Variants in PPP2R5C observed in about 807,000 individuals in gnomAD.
PPP2R5C encodes serine/threonine-protein phosphatase 2A 56 kDa regulatory subunit gamma isoform.
Under a neutral mutation model 68.9 loss-of-function variants are expected in PPP2R5C, and 7 were observed. The ratio of observed to expected loss-of-function variants is 0.10; its 90% CI spans 0.06 to 0.19. The LOEUF is 0.19. Ranked by LOEUF, PPP2R5C falls within the 10% of genes least tolerant of loss-of-function variation. The pLI, the probability that PPP2R5C is intolerant of heterozygous loss-of-function variation, is 1.00. For synonymous variants in PPP2R5C, 210 were observed against 222.2 expected, an observed-to-expected ratio of 0.95 and a Z score of 0.49; for missense variants, 348 against 641.3, an observed-to-expected ratio of 0.54 and a Z score of 4.94.
At chr14:101,897,058 G>A (rs2045379010) in intron 8 of PPP2R5C, among the ~76,000 whole-genome samples, 1 of 152,022 alleles carries the variant, frequency 6.6e-6, no homozygotes, top group African/African-American at 2.4e-5. Context: ...CCACGAGCTG[G>A]GCCCGCCCTG....
intron 3 of PPP2R5C, among the ~76,000 whole-genome samples, chr14:101,802,186 G>A (rs769023553): frequency 3.3e-5 from 5 of 152,152 alleles, no homozygotes; most frequent in Non-Finnish European, 7.3e-5. Flanking sequence ...AGGCTGAGAC[G>A]GGCGGATCAC....
At chr14:101,847,729 C>A (rs903875086) in intron 1 of PPP2R5C, among the ~76,000 whole-genome samples, 3 of 142,804 alleles carry the variant, frequency 2.1e-5, no homozygotes, top group Admixed American at 7.4e-5. Context: ...GTGGCGTGAT[C>A]TCAGCTCACT....
chr14:101,778,321 C>T (rs2037519541), intron 2 of PPP2R5C, among the ~76,000 whole-genome samples: 1 of 152,132 alleles, frequency 6.6e-6, no homozygotes. Context: ...ATACTAGACC[C>T]TTATATAATT....
At chr14:101,784,785 T>C (rs1004717676) in intron 2 of PPP2R5C, among the ~76,000 whole-genome samples, 1 of 152,206 alleles carries the variant, frequency 6.6e-6, no homozygotes, top group Admixed American at 6.5e-5. Context: ...GAGCACATTA[T>C]GTAAATCATC....
At position 101,888,426 on chromosome 14, in the gene PPP2R5C, C is replaced by T. The variant is rs1274484624; in HGVS notation, c.630-1811C>T. 6.6e-6 allele frequency among the ~76,000 whole-genome samples: 1 copy of T among 151,980 alleles called. No homozygotes were observed. Among genetic ancestry groups the T allele is most frequent in the Non-Finnish European group, 1.5e-5 (1 of 67,992 alleles). ...CTGTTTCTTGTCATGGCACCAGTGT[C>T]GTTCCTGTCACCCACGGCACTGAGC... On this transcript the variant is annotated intron_variant, in intron 5 of 13. Transcript: ENST00000334743. This position sits in a 1 kb window ranked among gnomAD's most constrained non-coding sequence, Gnocchi z 5.6.
At position 101,882,946 on chromosome 14, in the gene PPP2R5C, G is replaced by A; in HGVS notation, c.406-311G>A. On this transcript the variant is annotated intron_variant, in intron 3 of 13. Coordinates refer to ENST00000334743, the Ensembl canonical transcript of PPP2R5C. This position sits in a 1 kb window ranked among gnomAD's most constrained non-coding sequence, Gnocchi z 4.9. Reference sequence around the variant, plus strand: ...GCTGCAAATCCCCCCTGCAGAGTTGGGTCATGGCTTGGTTTGTGGCATCTG... The same window carrying A: ...GCTGCAAATCCCCCCTGCAGAGTTGAGTCATGGCTTGGTTTGTGGCATCTG... The A allele has an allele frequency of 4.0e-6, 1 of 253,114 alleles. No individual in the cohort carries two copies. Among genetic ancestry groups the A allele is most frequent in the South Asian group, 5.8e-5 (1 of 17,256 alleles). The allele number at this position is 253,114 out of a possible 1,614,324, so 15.7% of individuals were successfully genotyped here.
At chr14:101,831,595 TAGTACATTCCTTAAATAAGTACA>T in intron 1 of PPP2R5C, 1 of 569,490 alleles carries the variant, frequency 1.8e-6, no homozygotes, top group Non-Finnish European at 3.2e-6. Context: ...CTCCTTATCA[TAGTACATTCCTTAAATAAGTACA>T]AGAATTACAG....
chr14:101,771,222 C>CGTGTGTGTGTGTGTGTGT (rs3993402), intron 2 of PPP2R5C, among the ~76,000 whole-genome samples: 23 of 135,490 alleles, frequency 1.7e-4, no homozygotes, highest in South Asian at 2.6e-4. Context: ...TTCTTCATCT[C>CGTGTGTGTGTGTGTGTGT]GTGTGTGTGT....
intron 10 of PPP2R5C, among the ~76,000 whole-genome samples, chr14:101,907,684 C>G (rs980585742): frequency 3.9e-5 from 6 of 152,214 alleles, no homozygotes; most frequent in Non-Finnish European, 8.8e-5. Context: ...AGTCTGCGGT[C>G]CCAAAGCTGG....
chr14:101,912,625 AC>A (rs2046461208), intron 12 of PPP2R5C, 152 bp downstream of exon 14: 2 of 1,319,692 alleles, frequency 1.5e-6, no homozygotes, highest in Non-Finnish European at 1.9e-6. Context: ...AAACTTTGTA[AC>A]CCTCCTTTTG....
At chr14:101,811,283 CTGCAAGAACCAAATG>C (rs1185253248) in intron 1 of PPP2R5C, among the ~76,000 whole-genome samples, 1 of 152,186 alleles carries the variant, frequency 6.6e-6, no homozygotes, top group Non-Finnish European at 1.5e-5. Context: ...GGTATTTTAG[CTGCAAGAACCAAATG>C]GGCAAGAACA....
chr14:101,889,893 G>A (rs970331677), intron 5 of PPP2R5C: 34 of 455,782 alleles, frequency 7.5e-5, no homozygotes, highest in South Asian at 1.5e-4. Flanking sequence ...ACAGATGTGC[G>A]TGTGATCAAG....
intron 2 of PPP2R5C, among the ~76,000 whole-genome samples, chr14:101,785,140 C>T (rs974355492): frequency 6.6e-6 from 1 of 152,216 alleles, no homozygotes; most frequent in Non-Finnish European, 1.5e-5. Context: ...GGCAGCAGAA[C>T]AGCTCCAGCG....
At chr14:101,821,448 G>GTGTGTGTGTGT (rs1555386180) in intron 1 of PPP2R5C, among the ~76,000 whole-genome samples, 1 of 58,816 alleles carries the variant, frequency 1.7e-5, no homozygotes, top group African/African-American at 4.5e-5. Context: ...GGGGTGGGTG[G>GTGTGTGTGTGT]GTGGGTGTGT....
At chr14:101,819,020 C>G (rs1024814563) in intron 1 of PPP2R5C, 1 of 1,551,414 alleles carries the variant, frequency 6.4e-7, no homozygotes, top group Middle Eastern at 1.7e-4. Context: ...CCCTCAAGCC[C>G]TAAAGTACCA....
At chr14:101,808,832 T>A (rs1462974587), upstream of PPP2R5C, among the ~76,000 whole-genome samples, 2 of 152,258 alleles carry the variant, frequency 1.3e-5, no homozygotes, top group Non-Finnish European at 2.9e-5. Flanking sequence ...GCTTTTCTTA[T>A]AGTTCGTTTT....
intron 1 of PPP2R5C, chr14:101,819,774 C>G (rs1383451621): frequency 6.6e-6 from 1 of 152,464 alleles, no homozygotes; most frequent in African/African-American, 2.4e-5. Context: ...CACCACCACA[C>G]CCAGCGTGGT....
intron 13 of PPP2R5C, chr14:101,921,937 T>C: frequency 1.1e-6 from 1 of 942,912 alleles, no homozygotes; most frequent in Non-Finnish European, 1.3e-6. Flanking sequence ...GTGAATAACA[T>C]TTATATTATA....
chr14:101,849,360 AG>A (rs2042016955), intron 1 of PPP2R5C, among the ~76,000 whole-genome samples: 1 of 152,126 alleles, frequency 6.6e-6, no homozygotes, highest in Non-Finnish European at 1.5e-5. Flanking sequence ...CCAGCCACAA[AG>A]CAGCTCCTTG....
Sources: allele counts gnomAD v4.1 joint callset (sites outside exome capture counted in the v4.1 genomes callset), GRCh38; gene constraint gnomAD v4.1.1; non-coding constraint Gnocchi (gnomAD v3.1); transcripts MANE v1.5; gene names NCBI Gene and HGNC (gene_info 2026-07-23, HGNC 2026-07-21).